The following ZNF92 variants were observed in gnomAD, a reference collection of about 807,000 sequenced individuals.
The protein encoded by ZNF92 is epididymis luminal protein 203.
Under a neutral mutation model 12.4 loss-of-function variants are expected in ZNF92, and 11 were observed. That is an observed-to-expected ratio of 0.89 (90% confidence interval 0.56 to 1.47). ZNF92 has a LOEUF of 1.47. ZNF92 is among the 40% of genes most tolerant of loss of function. The probability of loss-of-function intolerance (pLI) is 0.00; values close to 1 mark genes in which losing one functional copy is unlikely to be tolerated. For synonymous variants in ZNF92, 206 were observed against 228.6 expected, an observed-to-expected ratio of 0.90 and a Z score of 0.89; for missense variants, 622 against 681.0, an observed-to-expected ratio of 0.91 and a Z score of 0.96.
chr7:65,385,953 T>C (rs1419504677), intron 1 of ZNF92, among the ~76,000 whole-genome samples: 1 of 152,018 alleles, frequency 6.6e-6, no homozygotes, highest in African/African-American at 2.4e-5. Context: ...ACTTGTGCTT[T>C]TCCTCCCTAA....
intron 3 of ZNF92, among the ~76,000 whole-genome samples, chr7:65,396,387 T>C (rs950592147): frequency 6.6e-6 from 1 of 152,048 alleles, no homozygotes; most frequent in South Asian, 2.1e-4. Flanking sequence ...AATATTATCT[T>C]TGTAATCATC....
intron 1 of ZNF92, among the ~76,000 whole-genome samples, chr7:65,376,309 G>A (rs1452283348): frequency 6.6e-6 from 1 of 152,082 alleles, no homozygotes; most frequent in Non-Finnish European, 1.5e-5. Context: ...ATTAGGGCTT[G>A]AAAGGTAAGA....
At chr7:65,386,939 CTTTTT>C (rs34718120) in intron 1 of ZNF92, among the ~76,000 whole-genome samples, 2 of 129,724 alleles carry the variant, frequency 1.5e-5, no homozygotes, top group Admixed American at 8.1e-5. Flanking sequence ...TTTCTTTCTT[CTTTTT>C]TTTTTTTTTT....
chr7:65,378,251 G>A lies in ZNF92; in HGVS notation c.3+4251G>A, dbSNP rs902972881. Among the ~76,000 whole-genome samples the A allele has an allele frequency of 3.2e-4, 48 of 150,262 alleles. 1 individual carries two copies. Among genetic ancestry groups the A allele is most frequent in the Non-Finnish European group, 5.9e-4 (40 of 67,608 alleles). ...AGATGGAGGTTGCAGTGAACTGAGCGTTACTGCACTCCAGCCTGGGCAACA... is the reference window on the plus strand; with the variant it reads ...AGATGGAGGTTGCAGTGAACTGAGCATTACTGCACTCCAGCCTGGGCAACA... On this transcript the variant is annotated intron_variant, in intron 1 of 3. Transcript: ENST00000328747.
intron 3 of ZNF92, among the ~76,000 whole-genome samples, chr7:65,391,766 AT>A (rs1406136865): frequency 1.3e-5 from 2 of 152,090 alleles, no homozygotes; most frequent in African/African-American, 2.4e-5. Context: ...ATGCTTACTT[AT>A]TAAGTTTTTT....
intron 2 of ZNF92, 98 bp from the exon 3 acceptor site, chr7:65,388,708 C>A: frequency 1.1e-6 from 1 of 883,984 alleles, no homozygotes; most frequent in Non-Finnish European, 1.6e-6. Flanking sequence ...GATTAATTTA[C>A]TAGATTAATC....
intron 1 of ZNF92, among the ~76,000 whole-genome samples, chr7:65,377,221 G>A (rs773059404): frequency 6.6e-6 from 1 of 152,082 alleles, no homozygotes. Context: ...CCAAGAGAAT[G>A]ACTCTAACAT....
At chr7:65,390,279 A>C (rs1562794466) in intron 3 of ZNF92, among the ~76,000 whole-genome samples, 2 of 152,026 alleles carry the variant, frequency 1.3e-5, no homozygotes, top group East Asian at 3.8e-4. Context: ...TGGCTTTTTA[A>C]ATTTTTTAAA....
chr7:65,381,037 G>T lies in ZNF92; in HGVS notation c.4-6865G>T, dbSNP rs561925587. ...TTTTTTTTCTTTTCTTTTTGGAGAT[G>T]GAGTCTCGCTCTGTTATCCAGGCTG... On this transcript the variant is annotated intron_variant, in intron 1 of 3. Transcript: ENST00000328747. Among the ~76,000 whole-genome samples the T allele has an allele frequency of 1.8e-4, 28 of 151,630 alleles. No individual in the cohort carries two copies. In the East Asian group the frequency reaches 5.2e-3, roughly 28 times the overall value.
rs746897304 is a variant in ZNF92 at position 65,398,331 on chromosome 7, T to G, written c.227-10T>G. On this transcript the variant is annotated splice_polypyrimidine_tract_variant and intron_variant, in intron 3 of 3. Coordinates refer to ENST00000328747, the MANE Select transcript of ZNF92 (RefSeq NM_152626.4). ...TAAGTGAAGTAACTTGTTATTTTTA[T>G]TTTTTTCAGTTATGTGTTCTCATTT... 2.7e-6 allele frequency: 4 copies of G among 1,507,542 alleles called. No individual in the cohort carries two copies. In the South Asian group the frequency reaches 5.7e-5, roughly 22 times the overall value. 93.4% of individuals were successfully genotyped at this position (1,507,542 alleles called of 1,614,324 possible).
rs1224740352 is a variant in ZNF92 at position 65,399,480 on chromosome 7, G to A, written c.1366G>A (p.Glu456Lys). 6.2e-7 allele frequency: 1 copy of A among 1,613,274 alleles called. No individual in the cohort carries two copies. The highest frequency in any genetic ancestry group is 8.5e-7 in the Non-Finnish European group (1 of 1,179,722). The change falls in exon 4 of 4, where the codon GAA becomes AAA. Residue 456 changes from glutamate to lysine, a missense_variant. Transcript: ENST00000328747. ...TATGGAAGATAAACCCTACAAATGT[G>A]AAGAATGTGGCAAAGCCTTTAGTGT... Reference protein sequence around the residue: ...NHMEDKPYKCEECGKAFSVFS... With the variant: ...NHMEDKPYKCKECGKAFSVFS...
intron 1 of ZNF92, among the ~76,000 whole-genome samples, chr7:65,387,249 A>C (rs368319966): frequency 8.5e-5 from 13 of 152,172 alleles, no homozygotes; most frequent in African/African-American, 3.1e-4. Flanking sequence ...GCCAGTTATT[A>C]AGTATCTTTA....
At chr7:65,376,870 C>A (rs902637414) in intron 1 of ZNF92, among the ~76,000 whole-genome samples, 23 of 152,064 alleles carry the variant, frequency 1.5e-4, no homozygotes, top group African/African-American at 5.6e-4. Context: ...GAATACATTT[C>A]CACAAGAAAA....
chr7:65,400,638 T>C lies in ZNF92; in HGVS notation c.*763T>C, dbSNP rs1389691693. Reference sequence around the variant, plus strand: ...CTAAAATTGTTAGGTAAGTTATTTATATATAACTTTAAAAGAAGTAGAAGA... The same window carrying C: ...CTAAAATTGTTAGGTAAGTTATTTACATATAACTTTAAAAGAAGTAGAAGA... On this transcript the variant is annotated 3_prime_UTR_variant, in exon 4 of 4. Transcript: ENST00000328747. The C allele has an allele frequency of 6.6e-6, 1 of 152,012 alleles. No individual in the cohort carries two copies. Among genetic ancestry groups the C allele is most frequent in the Non-Finnish European group, 1.5e-5 (1 of 67,910 alleles). 9.4% of individuals were successfully genotyped at this position (152,012 alleles called of 1,614,324 possible). A position where few individuals can be genotyped will look rare whatever the true frequency, so the allele number is the denominator to read the frequency against.
chr7:65,387,264 G>A (rs1440939061), intron 1 of ZNF92, among the ~76,000 whole-genome samples: 1 of 151,994 alleles, frequency 6.6e-6, no homozygotes, highest in Non-Finnish European at 1.5e-5. Context: ...TCTTTATGCA[G>A]CTGATGTGCA....
chr7:65,389,978 C>T (rs1454664367), intron 3 of ZNF92, among the ~76,000 whole-genome samples: 6 of 151,536 alleles, frequency 4.0e-5, no homozygotes, highest in South Asian at 2.1e-4. Context: ...ACTACAGGTG[C>T]GAACCACCAT....
chr7:65,374,087 C>T (rs1337824534), intron 1 of ZNF92, 87 bp downstream of exon 1: 19 of 1,575,736 alleles, frequency 1.2e-5, no homozygotes, highest in Admixed American at 3.4e-5. Flanking sequence ...CTCGGGCCTT[C>T]CCGCAGTCGG....
chr7:65,378,754 AAG>A (rs1317937769), intron 1 of ZNF92, among the ~76,000 whole-genome samples: 11 of 147,630 alleles, frequency 7.5e-5, no homozygotes, highest in African/African-American at 2.7e-4. Flanking sequence ...AAAAAAAAAA[AAG>A]TATTTTTCTT....
intron 3 of ZNF92, 33 bp downstream of exon 3, chr7:65,388,934 A>C: frequency 1.3e-6 from 2 of 1,520,366 alleles, no homozygotes; most frequent in Non-Finnish European, 1.8e-6. Flanking sequence ...GACAACACAA[A>C]TGAGAGGTCC....
Sources: gnomAD v4.1 joint callset for allele counts (sites outside exome capture counted in the v4.1 genomes callset) on GRCh38, gnomAD v4.1.1 for gene constraint, MANE v1.5 for transcripts, NCBI Gene and HGNC (gene_info 2026-07-23, HGNC 2026-07-21) for gene names.